Variants in TENM3 observed in about 807,000 individuals in gnomAD.
TENM3 encodes teneurin transmembrane protein 3.
In TENM3, 63 loss-of-function variants were observed where a neutral mutation model predicts 255.1. The observed-to-expected ratio is 0.25, with a 90% CI of 0.20 to 0.30. The LOEUF is 0.30. TENM3 is among the 10% of genes least tolerant of loss of function. TENM3 has a pLI of 1.00. For missense variants in TENM3, 2,929 were observed against 3,461.1 expected (o/e 0.85, Z 3.86); for synonymous variants, 1,306 against 1,322.3 (o/e 0.99, Z 0.27).
chr4:181,908,045 A>T, the TENM3 span, among the ~76,000 whole-genome samples: 1 of 152,188 alleles, frequency 6.6e-6, no homozygotes, highest in Non-Finnish European at 1.5e-5. Flanking sequence ...TCTATTTTTA[A>T]ATCAAATGGT....
the TENM3 span, among the ~76,000 whole-genome samples, chr4:181,593,595 C>T: frequency 6.6e-6 from 1 of 152,188 alleles, no homozygotes; most frequent in Non-Finnish European, 1.5e-5. Context: ...TAAGCATTAA[C>T]ATCACAAAAA....
chr4:182,265,059 A>G (rs780827495), intron 1 of TENM3, among the ~76,000 whole-genome samples: 1 of 152,012 alleles, frequency 6.6e-6, no homozygotes, highest in Non-Finnish European at 1.5e-5. Flanking sequence ...AGGAGGCACC[A>G]CAGACTCCGT....
the TENM3 span, among the ~76,000 whole-genome samples, chr4:182,066,418 G>T: frequency 1.3e-5 from 2 of 152,114 alleles, no homozygotes; most frequent in African/African-American, 4.8e-5. Context: ...CAACAACAAC[G>T]ATAAGGAGAT....
the TENM3 span, among the ~76,000 whole-genome samples, chr4:181,540,868 T>G: frequency 6.8e-6 from 1 of 146,894 alleles, no homozygotes; most frequent in Admixed American, 6.6e-5. Flanking sequence ...GAAATCTGAA[T>G]AAAGTATGGC....
intron 3 of TENM3, among the ~76,000 whole-genome samples, chr4:182,546,973 T>C (rs1053732540): frequency 3.9e-5 from 6 of 152,178 alleles, no homozygotes; most frequent in Non-Finnish European, 8.8e-5. Flanking sequence ...GTATGTTAAC[T>C]GCTGGATTAA....
chr4:181,625,820 AAAT>A, the TENM3 span, among the ~76,000 whole-genome samples: 640 of 147,872 alleles, frequency 4.3e-3, 5 homozygotes, highest in Admixed American at 9.0e-3. Flanking sequence ...TCTCAAAAAA[AAAT>A]AATAATAATA....
In TENM3 at chr4:182,743,281, A is replaced by T; in HGVS notation, c.3491A>T (p.Asn1164Ile). The stretch of plus-strand genomic sequence containing the variant: ...CGCAGCATTTCCTGCCCCAGTTGCA[A>T]TGGTCAAGCTGATGGTAACAAGTTA... ...RRRSISCPSC[N>I]GQADGNKLLA... The change falls in exon 19 of 28, where the codon AAT becomes ATT. Residue 1164 changes from asparagine to isoleucine, a missense_variant. Physicochemically the swap from Asn to Ile is moderately radical, Grantham distance 149 (BLOSUM62 -3). This residue lies in a region of TENM3 where 1,608 missense variants were observed against 1,884.4 expected (regional missense o/e 0.85). Coordinates refer to ENST00000511685, the MANE Select transcript of TENM3 (RefSeq NM_001080477.4). 1 of 1,614,036 alleles carries T rather than the reference A, an allele frequency of 6.2e-7. No homozygotes were observed. The highest frequency in any genetic ancestry group is 1.1e-5 in the South Asian group (1 of 91,092).
the TENM3 span, among the ~76,000 whole-genome samples, chr4:181,979,097 C>T: frequency 0.017 from 528 of 30,352 alleles, 12 homozygotes; most frequent in African/African-American, 0.056. Flanking sequence ...TTAAGCCTGA[C>T]ATATATATAT....
At chr4:182,473,943 G>T (rs983946941) in intron 3 of TENM3, among the ~76,000 whole-genome samples, 4 of 152,268 alleles carry the variant, frequency 2.6e-5, no homozygotes, top group Admixed American at 2.6e-4. Flanking sequence ...GGGCCACAAA[G>T]TGAGACCCTG....
At chr4:181,711,463 C>T in the TENM3 span, among the ~76,000 whole-genome samples, 2 of 152,144 alleles carry the variant, frequency 1.3e-5, no homozygotes, top group African/African-American at 4.8e-5. Flanking sequence ...GTTCTTGGAT[C>T]TTCTGAAGCT....
intron 3 of TENM3, among the ~76,000 whole-genome samples, chr4:182,559,207 A>G (rs1742896866): frequency 7.4e-6 from 1 of 134,442 alleles, no homozygotes; most frequent in South Asian, 2.2e-4. Context: ...CGCTTACGTT[A>G]ACTGACATTT....
intron 4 of TENM3, among the ~76,000 whole-genome samples, chr4:182,613,672 G>C (rs952021675): frequency 6.6e-6 from 1 of 152,134 alleles, no homozygotes; most frequent in African/African-American, 2.4e-5. Flanking sequence ...CCAATTTTCA[G>C]AGCTTGGTTA....
rs1361159602 is a variant in TENM3 at position 182,654,486 on chromosome 4, T to C, written c.1111+593T>C. On this transcript the variant is annotated intron_variant, in intron 6 of 27. Coordinates refer to ENST00000511685, the MANE Select transcript of TENM3 (RefSeq NM_001080477.4). ...ACTTAGAAAAGCGTATACATACATA[T>C]GTACACTTACGTTACAAATAGTTTT... Among the ~76,000 whole-genome samples the C allele has an allele frequency of 7.2e-5, 11 of 152,174 alleles. No homozygotes were observed. The East Asian group carries it at 1.9e-3, about 27-fold the overall frequency.
intron 3 of TENM3, among the ~76,000 whole-genome samples, chr4:182,495,522 T>C (rs1382185503): frequency 6.6e-6 from 1 of 152,118 alleles, no homozygotes; most frequent in Non-Finnish European, 1.5e-5. Context: ...AAAATGACTG[T>C]ATGAATGAAG....
chr4:182,311,561 C>A (rs963158405), intron 1 of TENM3, among the ~76,000 whole-genome samples: 1 of 152,148 alleles, frequency 6.6e-6, no homozygotes, highest in African/African-American at 2.4e-5. Context: ...GACTCTATGA[C>A]CTTGGATGGG....
At chr4:181,794,535 G>T in the TENM3 span, among the ~76,000 whole-genome samples, 1 of 152,032 alleles carries the variant, frequency 6.6e-6, no homozygotes, top group African/African-American at 2.4e-5. Flanking sequence ...GTGAGATCCT[G>T]CAGTATTTGT....
chr4:182,121,139 C>T, the TENM3 span, among the ~76,000 whole-genome samples: 134 of 152,122 alleles, frequency 8.8e-4, 1 homozygote, highest in Non-Finnish European at 1.5e-3. Flanking sequence ...GCTGGGATTA[C>T]AGGCGCCCAC....
At chr4:182,642,773 A>G (rs754632528) in intron 5 of TENM3, among the ~76,000 whole-genome samples, 1 of 152,232 alleles carries the variant, frequency 6.6e-6, no homozygotes, top group Non-Finnish European at 1.5e-5. Context: ...GAATATAAAT[A>G]TCCTACAGTT....
the TENM3 span, among the ~76,000 whole-genome samples, chr4:182,100,506 CAT>C: frequency 3.5e-5 from 5 of 143,536 alleles, no homozygotes; most frequent in South Asian, 2.2e-4. Flanking sequence ...CACACACACA[CAT>C]ATATATACAC....
Sources: gnomAD v4.1 joint callset for allele counts (sites outside exome capture counted in the v4.1 genomes callset) on GRCh38, gnomAD v4.1.1 for gene constraint, gnomAD v4.1.1 regional missense constraint, MANE v1.5 for transcripts, NCBI Gene and HGNC (gene_info 2026-07-23, HGNC 2026-07-21) for gene names.